ALK: variants seen among roughly 807,000 people sequenced by gnomAD.
The protein encoded by ALK is ALK tyrosine kinase receptor.
In ALK, 74 loss-of-function variants were observed where a neutral mutation model predicts 163.1. That is an observed-to-expected ratio of 0.45 (90% confidence interval 0.38 to 0.55). The LOEUF (loss-of-function observed/expected upper bound fraction) is 0.55. Ranked by LOEUF, ALK falls within the 20% of genes least tolerant of loss-of-function variation. The probability of loss-of-function intolerance (pLI) is 0.00; values close to 1 mark genes in which losing one functional copy is unlikely to be tolerated. For missense variants in ALK, 2,063 were observed against 2,105.3 expected, an observed-to-expected ratio of 0.98 and a Z score of 0.39; for synonymous variants, 960 against 843.2, an observed-to-expected ratio of 1.14 and a Z score of -2.40.
At chr2:29,448,412 T>A (rs943545149) in intron 4 of ALK, among the ~76,000 whole-genome samples, 2 of 151,974 alleles carry the variant, frequency 1.3e-5, no homozygotes, top group Non-Finnish European at 2.9e-5. Context: ...GAAAAGGGGG[T>A]GTGTGCCTCA....
chr2:29,331,670 C>T (rs1667443251), intron 5 of ALK, among the ~76,000 whole-genome samples: 1 of 152,122 alleles, frequency 6.6e-6, no homozygotes, highest in South Asian at 2.1e-4. Context: ...GGAGAAGATG[C>T]CCCCTTGCCT....
chr2:29,245,188 A>G (rs1209060738), intron 12 of ALK, among the ~76,000 whole-genome samples: 1 of 146,618 alleles, frequency 6.8e-6, no homozygotes, highest in Non-Finnish European at 1.5e-5. Context: ...CCCTGCACAC[A>G]GTAGGGGCTT....
chr2:29,529,278 G>A (rs186334066), intron 4 of ALK, among the ~76,000 whole-genome samples: 20 of 152,178 alleles, frequency 1.3e-4, no homozygotes, highest in African/African-American at 3.4e-4. Context: ...TTCCTCCCTC[G>A]TTACTACAAA....
chr2:29,455,955 T>A (rs966577972), intron 4 of ALK, among the ~76,000 whole-genome samples: 1 of 152,178 alleles, frequency 6.6e-6, no homozygotes, highest in Admixed American at 6.5e-5. Flanking sequence ...GCCATAAGTT[T>A]GAGGCCAAAG....
In ALK at chr2:29,622,206, C is replaced by T. The variant is rs375845957; in HGVS notation, c.952+72644G>A. Among the ~76,000 whole-genome samples the T allele has an allele frequency of 3.9e-5, 6 of 152,300 alleles. No individual in the cohort carries two copies. The South Asian group carries it at 1.2e-3, about 32-fold the overall frequency. ...TCTGAGGCTGCTTTTATTATTAAAA[C>T]TTACCAATCAACCAACCAACAAATA... is the stretch of plus-strand genomic sequence containing the variant. On this transcript the variant is annotated intron_variant, in intron 3 of 28. Coordinates refer to ENST00000389048, the MANE Select transcript of ALK (RefSeq NM_004304.5).
At chr2:29,338,191 T>A (rs1489407895) in intron 5 of ALK, among the ~76,000 whole-genome samples, 1 of 152,176 alleles carries the variant, frequency 6.6e-6, no homozygotes, top group East Asian at 1.9e-4. Context: ...TAAGGCTCTG[T>A]TAGATCCTTG....
chr2:29,464,377 G>A (rs1671156082), intron 4 of ALK, among the ~76,000 whole-genome samples: 2 of 152,052 alleles, frequency 1.3e-5, no homozygotes, highest in Admixed American at 1.3e-4. Context: ...AATATTTTAG[G>A]CTTTGCAGGT....
chr2:29,395,280 T>C lies in ALK; in HGVS notation c.1155-11421A>G, dbSNP rs116608096. Among the ~76,000 whole-genome samples, 666 of 152,372 alleles carry C rather than the reference T, an allele frequency of 4.4e-3. 4 individuals carry two copies. Among genetic ancestry groups the C allele is most frequent in the Non-Finnish European group, 8.0e-3 (543 of 68,038 alleles). On this transcript the variant is annotated intron_variant, in intron 4 of 28. Coordinates refer to ENST00000389048, the MANE Select transcript of ALK (RefSeq NM_004304.5). The stretch of plus-strand genomic sequence containing the variant: ...GTCAAGCCACTGTGCTGAAACTTTA[T>C]ACAGTAGGGTGAAACTTGCCATAAA...
Position 29,209,742 on chromosome 2 carries a change from G to C in ALK, c.3836+44C>G, listed in dbSNP as rs751168722. On this transcript the variant is annotated intron_variant, in intron 25 of 28. Transcript: ENST00000389048. Reference sequence around the variant, plus strand: ...CCACACCCCATTCTTGAGGGGCTGAGGTGGAAGAGACAGGCCCGGAGGGGT... The same window carrying C: ...CCACACCCCATTCTTGAGGGGCTGACGTGGAAGAGACAGGCCCGGAGGGGT... 4 of 1,439,166 alleles carry C rather than the reference G, an allele frequency of 2.8e-6. No homozygotes were observed. In the South Asian group the frequency reaches 4.6e-5, roughly 16 times the overall value. 89.1% of individuals were successfully genotyped at this position (1,439,166 alleles called of 1,614,324 possible). A position where few individuals can be genotyped will look rare whatever the true frequency, so the allele number is the denominator to read the frequency against.
intron 13 of ALK, 109 bp from the exon 14 acceptor site, chr2:29,233,805 CTTACAG>C (rs1664290524): frequency 2.0e-6 from 3 of 1,489,752 alleles, no homozygotes; most frequent in Admixed American, 3.4e-5. Context: ...TCTCAAAAAA[CTTACAG>C]TTGAGTTGAG....
chr2:29,484,666 T>C (rs1198010853), intron 4 of ALK, among the ~76,000 whole-genome samples: 1 of 152,190 alleles, frequency 6.6e-6, no homozygotes, highest in Admixed American at 6.5e-5. Context: ...TACCCTCCCT[T>C]TAAATTTGTT....
chr2:29,390,457 T>A (rs1669138491), intron 4 of ALK, among the ~76,000 whole-genome samples: 1 of 152,194 alleles, frequency 6.6e-6, no homozygotes, highest in Non-Finnish European at 1.5e-5. Context: ...TTCCTCCACA[T>A]GTGTCTTTGC....
intron 1 of ALK, among the ~76,000 whole-genome samples, chr2:29,823,596 T>C (rs1572408862): frequency 6.6e-6 from 1 of 152,172 alleles, no homozygotes; most frequent in East Asian, 1.9e-4. Context: ...GTGACTCTTG[T>C]TATGTTTTAG....
At chr2:29,331,777 ATTC>A (rs1321802549) in intron 5 of ALK, among the ~76,000 whole-genome samples, 1 of 152,130 alleles carries the variant, frequency 6.6e-6, no homozygotes, top group East Asian at 1.9e-4. Context: ...AGGGAGTTCT[ATTC>A]TTTCTACTTA....
chr2:29,712,228 C>T (rs933567511), intron 2 of ALK, among the ~76,000 whole-genome samples: 3 of 152,176 alleles, frequency 2.0e-5, no homozygotes, highest in Admixed American at 6.5e-5. Context: ...CATTACTGTC[C>T]CCTTTGGGAC....
intron 9 of ALK, among the ~76,000 whole-genome samples, chr2:29,281,587 T>A (rs1423700739): frequency 6.6e-6 from 1 of 152,200 alleles, no homozygotes; most frequent in Non-Finnish European, 1.5e-5. Flanking sequence ...TTCCAGCCGG[T>A]GGAGTTTGGA....
chr2:29,550,726 G>A (rs924745307), intron 3 of ALK, among the ~76,000 whole-genome samples: 1 of 152,074 alleles, frequency 6.6e-6, no homozygotes, highest in African/African-American at 2.4e-5. Context: ...TTTTTCCTTT[G>A]TTATCAATCT....
intron 1 of ALK, among the ~76,000 whole-genome samples, chr2:29,912,607 A>G (rs893327917): frequency 6.6e-6 from 1 of 152,120 alleles, no homozygotes; most frequent in Non-Finnish European, 1.5e-5. Flanking sequence ...GAAGAGCAAA[A>G]GAAATGGTAT....
chr2:29,635,845 G>T (rs1052213940), intron 3 of ALK, among the ~76,000 whole-genome samples: 3 of 151,664 alleles, frequency 2.0e-5, no homozygotes, highest in African/African-American at 7.3e-5. Flanking sequence ...TGGCCAGACT[G>T]GTCACGAACT....
Sources: allele counts gnomAD v4.1 joint callset (sites outside exome capture counted in the v4.1 genomes callset), GRCh38; gene constraint gnomAD v4.1.1; transcripts MANE v1.5; gene names NCBI Gene and HGNC (gene_info 2026-07-23, HGNC 2026-07-21).